Variants in ASNSD1 observed in about 807,000 individuals in gnomAD.
ASNSD1 encodes the protein asparagine synthetase domain-containing protein 1.
A neutral mutation model predicts 48.3 loss-of-function variants in ASNSD1; 36 were observed. That is an observed-to-expected ratio of 0.75 (90% CI 0.57 to 0.99). The LOEUF (loss-of-function observed/expected upper bound fraction) is 0.99, where lower values mean the gene tolerates loss of function less well. ASNSD1 is among the 50% of genes least tolerant of loss of function. The pLI is 0.00. For missense variants in ASNSD1, 714 were observed against 758.2 expected, an observed-to-expected ratio of 0.94 and a Z score of 0.69; for synonymous variants, 257 against 262.1, an observed-to-expected ratio of 0.98 and a Z score of 0.19.
chr2:189,665,837 A>G (rs185225057), intron 3 of ASNSD1, among the ~76,000 whole-genome samples: 277 of 151,966 alleles, frequency 1.8e-3, no homozygotes, highest in African/African-American at 6.3e-3. Context: ...GGCCAAAATC[A>G]GCACTCGGCA....
rs1213999797 is a variant in ASNSD1 at position 189,670,640 on chromosome 2, A to G, written c.1846A>G (p.Ile616Val). The part of the protein sequence containing the change: ...FGSRIAKMEK[I>V]NEKASDKCGR... ...ATCAAGAATTGCAAAAATGGAAAAA[A>G]TTAATGAAAAGGCATCTGATAAATG... is the stretch of plus-strand genomic sequence containing the variant. Residue 616 changes from isoleucine (I) to valine (V), a missense_variant, in exon 6 of 6, where the codon ATT becomes GTT. By Grantham distance (29) the Ile-to-Val change is conservative. Transcript: ENST00000260952. 2.2e-5 allele frequency: 35 copies of G among 1,613,914 alleles called. 1 individual carries two copies. Among genetic ancestry groups the G allele is most frequent in the Non-Finnish European group, 2.9e-5 (34 of 1,179,958 alleles).
chr2:189,662,711 A>G (rs978557308), intron 1 of ASNSD1, among the ~76,000 whole-genome samples: 6 of 152,266 alleles, frequency 3.9e-5, no homozygotes, highest in East Asian at 1.9e-4. Flanking sequence ...TTGTGATACT[A>G]TGTAATCAGT....
In ASNSD1 at chr2:189,667,759, CAT is replaced by C. The variant is rs774330787; in HGVS notation, c.1465-3_1465-2del. 2 of 1,604,254 alleles carry C rather than the reference CAT, an allele frequency of 1.2e-6. No homozygotes were observed. The highest frequency in any genetic ancestry group is 1.7e-6 in the Non-Finnish European group (2 of 1,177,058). ...TTTTTATACGGATTTCTTTAAACCT[CAT>C]AGGTAGTTCTCACTGGAATTGGTGC... On this transcript the variant is annotated splice_polypyrimidine_tract_variant and splice_region_variant and intron_variant, in intron 4 of 5. Coordinates refer to ENST00000260952, the MANE Select transcript of ASNSD1 (RefSeq NM_019048.4).
At position 189,666,447 on chromosome 2, in the gene ASNSD1, A is replaced by C. The variant is rs1256492778; in HGVS notation, c.315A>C (p.Glu105Asp). Residue 105 changes from glutamate (E) to aspartate (D), a missense_variant, in exon 4 of 6, where the codon GAA becomes GAC. By Grantham distance (45) the Glu-to-Asp change is conservative. Coordinates refer to ENST00000260952, the MANE Select transcript of ASNSD1 (RefSeq NM_019048.4). Reference protein sequence around the residue: ...LFNYLSSCKNESEILSLFSEV... With the variant: ...LFNYLSSCKNDSEILSLFSEV... ...ATTATCTTTCCTCCTGTAAGAATGAATCTGAGATTTTGTCACTCTTCTCAG... is the reference window on the plus strand; with the variant it reads ...ATTATCTTTCCTCCTGTAAGAATGACTCTGAGATTTTGTCACTCTTCTCAG... 1 of 1,613,778 alleles carries C rather than the reference A, an allele frequency of 6.2e-7. No individual in the cohort carries two copies. Among genetic ancestry groups the C allele is most frequent in the South Asian group, 1.1e-5 (1 of 91,074 alleles).
At chr2:189,664,754 A>AT (rs2032746548) in intron 2 of ASNSD1, among the ~76,000 whole-genome samples, 1 of 152,218 alleles carries the variant, frequency 6.6e-6, no homozygotes, top group South Asian at 2.1e-4. Context: ...CTCAAAAAAA[A>AT]AAAAAAGAAG....
In ASNSD1 at chr2:189,666,690, T is replaced by C. The variant is rs1404906569; in HGVS notation, c.558T>C (p.Thr186=). 1.2e-6 allele frequency: 2 copies of C among 1,612,980 alleles called. No homozygotes were observed. Among genetic ancestry groups the C allele is most frequent in the Non-Finnish European group, 1.7e-6 (2 of 1,179,066 alleles). The change falls in exon 4 of 6, where the codon ACT becomes ACC. Residue 186 remains threonine, a synonymous_variant. Coordinates refer to ENST00000260952, the MANE Select transcript of ASNSD1 (RefSeq NM_019048.4). Reference sequence around the variant, plus strand: ...TTTTCAGAATTGATCTTAAGTCTACTGTCATTTCCGGATGCATTATTTTAC... The same window carrying C: ...TTTTCAGAATTGATCTTAAGTCTACCGTCATTTCCGGATGCATTATTTTAC... The part of the protein sequence containing the change: ...SGLFRIDLKS[T]VISGCIILQL...
At position 189,670,453 on chromosome 2, in the gene ASNSD1, G is replaced by A; in HGVS notation, c.1659G>A (p.Leu553=). The change falls in exon 6 of 6, where the codon CTG becomes CTA. Residue 553 remains leucine (L), a synonymous_variant. Coordinates refer to ENST00000260952, the MANE Select transcript of ASNSD1 (RefSeq NM_019048.4). ...CTGTCTATTTTAGATTTCCTTTCCT[G>A]GATGAAAATGTTGTCTCCTTTCTAA... ...DHGKEARFPF[L]DENVVSFLNS... 6.2e-7 allele frequency: 1 copy of A among 1,608,148 alleles called. No individual in the cohort carries two copies.
At chr2:189,663,992 G>T (rs752673155) in intron 2 of ASNSD1, 38 bp downstream of exon 2, 3 of 379,970 alleles carry the variant, frequency 7.9e-6, no homozygotes, top group Admixed American at 9.1e-5. Context: ...TATGTGGGAG[G>T]TTTATTTATG....
At chr2:189,663,800 C>A in intron 1 of ASNSD1, 101 bp from the exon 2 acceptor site, 1 of 348,344 alleles carries the variant, frequency 2.9e-6, no homozygotes, top group Non-Finnish European at 5.2e-6. Flanking sequence ...TACATCATAG[C>A]CCCTTATCCC....
At chr2:189,664,734 A>G (rs983375763) in intron 2 of ASNSD1, among the ~76,000 whole-genome samples, 6 of 151,760 alleles carry the variant, frequency 4.0e-5, no homozygotes, top group African/African-American at 9.7e-5. Flanking sequence ...GCTACAGAGC[A>G]GGACTCCTTC....
At chr2:189,661,661 C>G in intron 1 of ASNSD1, 51 bp downstream of exon 1, 1 of 399,284 alleles carries the variant, frequency 2.5e-6, no homozygotes, top group Non-Finnish European at 4.4e-6. Flanking sequence ...CCGGGCGCCA[C>G]TGGACCCTGA....
chr2:189,661,655 G>C (rs191549755), intron 1 of ASNSD1, 45 bp downstream of exon 1: 105 of 399,354 alleles, frequency 2.6e-4, no homozygotes, highest in African/African-American at 2.0e-3. Flanking sequence ...TCGGGACCGG[G>C]CGCCACTGGA....
At chr2:189,662,774 A>T (rs747772477) in intron 1 of ASNSD1, among the ~76,000 whole-genome samples, 7 of 152,052 alleles carry the variant, frequency 4.6e-5, no homozygotes, top group Non-Finnish European at 1.0e-4. Flanking sequence ...CACTTAGTTG[A>T]GCCCTCCCCT....
At chr2:189,663,643 C>A (rs1309933026) in intron 1 of ASNSD1, among the ~76,000 whole-genome samples, 1 of 152,192 alleles carries the variant, frequency 6.6e-6, no homozygotes, top group East Asian at 1.9e-4. Flanking sequence ...ACACGAAAAT[C>A]CCTGTCTGGT....
At chr2:189,669,596 T>C (rs909967485) in intron 5 of ASNSD1, among the ~76,000 whole-genome samples, 7 of 152,236 alleles carry the variant, frequency 4.6e-5, no homozygotes, top group Non-Finnish European at 8.8e-5. Flanking sequence ...AACAAATGTC[T>C]TTGTCCTTTC....
intron 5 of ASNSD1, among the ~76,000 whole-genome samples, chr2:189,668,500 C>T (rs1424659051): frequency 3.3e-5 from 2 of 61,224 alleles, no homozygotes; most frequent in Non-Finnish European, 6.4e-5. Context: ...CAGTGCGAGA[C>T]TCTGTTTCCA....
chr2:189,669,684 G>C (rs922577119), intron 5 of ASNSD1, among the ~76,000 whole-genome samples: 2 of 152,156 alleles, frequency 1.3e-5, no homozygotes, highest in Non-Finnish European at 2.9e-5. Flanking sequence ...ATGTGGGATG[G>C]TGGGTGTTAA....
At position 189,667,291 on chromosome 2, in the gene ASNSD1, A is replaced by G. The variant is rs141853606; in HGVS notation, c.1159A>G (p.Lys387Glu). 27 of 1,614,126 alleles carry G rather than the reference A, an allele frequency of 1.7e-5. No homozygotes were observed. The African/African-American group carries it at 2.5e-4, about 15-fold the overall frequency. ...KCEIPSEEFS[K>E]DVAAAAADSP... ...TGAAATACCTTCAGAAGAATTCTCT[A>G]AAGATGTTGCTGCTGCTGCTGCTGA... The change falls in exon 4 of 6, where the codon AAA becomes GAA. Residue 387 changes from lysine to glutamate, a missense_variant. By Grantham distance (56) the Lys-to-Glu change is moderately conservative (BLOSUM62 1). Coordinates refer to ENST00000260952, the MANE Select transcript of ASNSD1 (RefSeq NM_019048.4).
intron 1 of ASNSD1, among the ~76,000 whole-genome samples, chr2:189,661,852 G>A (rs527243194): frequency 1.6e-4 from 24 of 152,332 alleles, no homozygotes; most frequent in Non-Finnish European, 2.5e-4. Flanking sequence ...GTGGGGCGGA[G>A]TTTTGGTTGG....
Sources: allele counts gnomAD v4.1 joint callset (sites outside exome capture counted in the v4.1 genomes callset), GRCh38; gene constraint gnomAD v4.1.1; transcripts MANE v1.5; gene names NCBI Gene and HGNC (gene_info 2026-07-23, HGNC 2026-07-21).